TMEM131: variants seen among roughly 807,000 people sequenced by gnomAD.
TMEM131 encodes transmembrane protein 131.
In TMEM131, 66 loss-of-function variants were observed where a neutral mutation model predicts 211.6. The observed-to-expected ratio is 0.31, with a 90% confidence interval of 0.26 to 0.38. The LOEUF (loss-of-function observed/expected upper bound fraction) is 0.38, where lower values mean the gene tolerates loss of function less well. Ranked by LOEUF, TMEM131 falls within the 10% of genes least tolerant of loss-of-function variation. TMEM131 has a pLI of 1.00. For synonymous variants in TMEM131, 844 were observed against 841.3 expected, an observed-to-expected ratio of 1.00 and a Z score of -0.06; for missense variants, 2,036 against 2,299.3, an observed-to-expected ratio of 0.89 and a Z score of 2.34.
chr2:97,787,439 C>A (rs1425034739), intron 31 of TMEM131, among the ~76,000 whole-genome samples: 1 of 152,216 alleles, frequency 6.6e-6, no homozygotes, highest in Non-Finnish European at 1.5e-5. Context: ...CATCTCTGGA[C>A]AACCTCCAGA....
At chr2:97,921,406 C>T (rs1262340419) in intron 2 of TMEM131, among the ~76,000 whole-genome samples, 1 of 152,090 alleles carries the variant, frequency 6.6e-6, no homozygotes, top group Non-Finnish European at 1.5e-5. Flanking sequence ...TTCTAGAATA[C>T]GGGAGAATAT....
intron 1 of TMEM131, among the ~76,000 whole-genome samples, chr2:97,933,153 C>T (rs181440752): frequency 6.6e-6 from 1 of 152,086 alleles, no homozygotes; most frequent in South Asian, 2.1e-4. Flanking sequence ...GATTAAATGG[C>T]CTAACACCAC....
intron 11 of TMEM131, among the ~76,000 whole-genome samples, chr2:97,820,854 TA>T (rs369311007): frequency 4.7e-3 from 636 of 135,606 alleles, no homozygotes; most frequent in Non-Finnish European, 4.5e-3. Context: ...AGACTCCTTC[TA>T]AAAAAAAAAA....
intron 4 of TMEM131, among the ~76,000 whole-genome samples, chr2:97,868,893 G>A (rs781033356): frequency 1.3e-5 from 2 of 152,068 alleles, no homozygotes; most frequent in African/African-American, 2.4e-5. Context: ...GTGGGGTTAC[G>A]ACACCATGAA....
chr2:97,770,254 A>G (rs1201013592), intron 33 of TMEM131, among the ~76,000 whole-genome samples: 1 of 152,196 alleles, frequency 6.6e-6, no homozygotes, highest in Non-Finnish European at 1.5e-5. Flanking sequence ...ACCAGTCTTT[A>G]TTTGATTAAA....
chr2:97,943,389 T>C lies in TMEM131; in HGVS notation c.188-15902A>G, dbSNP rs150433909. ...AGAAAACTACAGATGTTCTTATGAA[T>C]GTGGATATAAAAATTCTCAACAAAA... On this transcript the variant is annotated intron_variant, in intron 1 of 40. Coordinates refer to ENST00000186436, the MANE Select transcript of TMEM131 (RefSeq NM_015348.2). Among the ~76,000 whole-genome samples the C allele has an allele frequency of 5.3e-3, 806 of 152,350 alleles. 4 individuals carry two copies. The highest frequency in any genetic ancestry group is 9.0e-3 in the Admixed American group (138 of 15,302).
At chr2:97,818,481 G>GGGGGAAA (rs796772650) in intron 12 of TMEM131, 132 bp downstream of exon 12, 11 of 293,250 alleles carry the variant, frequency 3.8e-5, no homozygotes, top group Admixed American at 1.6e-4. Flanking sequence ...GGCGGGGGGG[G>GGGGGAAA]ATCAACCTAA....
intron 12 of TMEM131, among the ~76,000 whole-genome samples, chr2:97,815,738 C>A (rs1372405549): frequency 6.6e-6 from 1 of 152,144 alleles, no homozygotes; most frequent in Non-Finnish European, 1.5e-5. Flanking sequence ...CAGTAGCATC[C>A]CTGCAGCTGT....
chr2:97,866,826 A>G (rs917675892), intron 4 of TMEM131, among the ~76,000 whole-genome samples: 1 of 152,244 alleles, frequency 6.6e-6, no homozygotes, highest in African/African-American at 2.4e-5. Flanking sequence ...CAGAGAACAT[A>G]CTTTGTACAG....
At chr2:97,909,503 G>A (rs922415288) in intron 2 of TMEM131, among the ~76,000 whole-genome samples, 9 of 152,148 alleles carry the variant, frequency 5.9e-5, no homozygotes, top group Non-Finnish European at 1.2e-4. Context: ...GGCAACAGCT[G>A]TAGTTCAGGT....
At chr2:97,911,715 T>G (rs1676300823) in intron 2 of TMEM131, 1 of 917,826 alleles carries the variant, frequency 1.1e-6, no homozygotes, top group South Asian at 5.0e-5. Context: ...ATATTGTTTT[T>G]GAAGTATATG....
chr2:97,986,273 T>C (rs1170675107), intron 1 of TMEM131, among the ~76,000 whole-genome samples: 1 of 152,202 alleles, frequency 6.6e-6, no homozygotes, highest in East Asian at 1.9e-4. Context: ...GGTTGAGATG[T>C]GAATTGATTG....
intron 4 of TMEM131, among the ~76,000 whole-genome samples, chr2:97,859,775 C>T (rs1002297511): frequency 1.3e-5 from 2 of 152,182 alleles, no homozygotes; most frequent in Admixed American, 1.3e-4. Context: ...GTCCTCTTCT[C>T]AAATTCCACA....
intron 3 of TMEM131, among the ~76,000 whole-genome samples, chr2:97,897,546 G>T (rs776162559): frequency 2.0e-5 from 3 of 152,026 alleles, no homozygotes; most frequent in South Asian, 2.1e-4. Context: ...TTGTTAACAA[G>T]AAAAATTATA....
chr2:97,932,988 A>C (rs1343233887), intron 1 of TMEM131, among the ~76,000 whole-genome samples: 6 of 152,182 alleles, frequency 3.9e-5, no homozygotes, highest in African/African-American at 1.2e-4. Context: ...GATACACGAA[A>C]ACTTGCCATT....
chr2:97,892,396 G>A (rs575984367), intron 3 of TMEM131, among the ~76,000 whole-genome samples: 7 of 152,104 alleles, frequency 4.6e-5, no homozygotes, highest in African/African-American at 1.2e-4. Flanking sequence ...TCACTCTGTC[G>A]CCCATGCTGG....
intron 1 of TMEM131, among the ~76,000 whole-genome samples, chr2:97,981,117 C>A (rs898942783): frequency 7.3e-6 from 1 of 136,232 alleles, no homozygotes; most frequent in African/African-American, 2.7e-5. Flanking sequence ...CTCTTTATAA[C>A]CTTGCTGCTT....
At chr2:97,975,788 T>C (rs546969942) in intron 1 of TMEM131, among the ~76,000 whole-genome samples, 4 of 136,540 alleles carry the variant, frequency 2.9e-5, no homozygotes, top group African/African-American at 1.1e-4. Context: ...ATTACTCTAA[T>C]ACTGAAAGGG....
At chr2:97,836,356 G>C (rs28688392) in intron 8 of TMEM131, among the ~76,000 whole-genome samples, 5,299 of 152,244 alleles carry the variant, frequency 0.035, 293 homozygotes, top group African/African-American at 0.11. Flanking sequence ...CCTTACTCCT[G>C]GTTGTAAAAT....
Sources: allele counts gnomAD v4.1 joint callset (sites outside exome capture counted in the v4.1 genomes callset), GRCh38; gene constraint gnomAD v4.1.1; transcripts MANE v1.5; gene names NCBI Gene and HGNC (gene_info 2026-07-23, HGNC 2026-07-21).